The following ADAMTS6 variants were observed in gnomAD, a reference collection of about 807,000 sequenced individuals.
ADAMTS6 encodes the protein A disintegrin and metalloproteinase with thrombospondin motifs 6.
A neutral mutation model predicts 144.3 loss-of-function variants in ADAMTS6; 23 were observed. The observed-to-expected ratio is 0.16, with a 90% CI of 0.11 to 0.23. The LOEUF is 0.23. Ranked by LOEUF, ADAMTS6 falls within the 10% of genes least tolerant of loss-of-function variation. The pLI is 1.00. For synonymous variants in ADAMTS6, 444 were observed against 457.5 expected (o/e 0.97, Z 0.38); for missense variants, 999 against 1,379.6 (o/e 0.72, Z 4.37).
At chr5:65,427,046 T>C (rs1756595348) in intron 7 of ADAMTS6, among the ~76,000 whole-genome samples, 1 of 152,142 alleles carries the variant, frequency 6.6e-6, no homozygotes, top group African/African-American at 2.4e-5. Context: ...AGTGATTTGC[T>C]ATTTAATAGA....
intron 14 of ADAMTS6, among the ~76,000 whole-genome samples, chr5:65,252,825 A>G (rs1232939336): frequency 2.0e-5 from 3 of 152,102 alleles, no homozygotes; most frequent in African/African-American, 7.2e-5. Flanking sequence ...GAATTCGGGT[A>G]AAATCTATTA....
At position 65,262,823 on chromosome 5, in the gene ADAMTS6, C is replaced by T. The variant is rs1159687052; in HGVS notation, c.1760G>A (p.Ser587Asn). The change falls in exon 13 of 25, where the codon AGT becomes AAT. Residue 587 changes from serine to asparagine, a missense_variant. Transcript: ENST00000381055. ...GVSSSLRHCD[S>N]PAPSGGGKYC... ...GCTTACTTTAGCTACTTACGCTGGA[C>T]TGTCACAGTGTCTTAGGGATGAGGA... 2.6e-6 allele frequency: 4 copies of T among 1,519,074 alleles called. No homozygotes were observed. Among genetic ancestry groups the T allele is most frequent in the South Asian group, 1.3e-5 (1 of 75,942 alleles). The allele number at this position is 1,519,074 out of a possible 1,614,324, so 94.1% of individuals were successfully genotyped here.
intron 7 of ADAMTS6, among the ~76,000 whole-genome samples, chr5:65,368,744 T>C (rs956796655): frequency 1.3e-5 from 2 of 152,128 alleles, no homozygotes; most frequent in African/African-American, 4.8e-5. Context: ...ACCTCCAAAC[T>C]TCTTGGTGCA....
intron 2 of ADAMTS6, among the ~76,000 whole-genome samples, chr5:65,472,630 A>G (rs1186262076): frequency 1.3e-5 from 2 of 152,224 alleles, no homozygotes; most frequent in African/African-American, 2.4e-5. Flanking sequence ...TCTTTCAGCT[A>G]GATTTACCAC....
chr5:65,443,132 A>G (rs901758816), intron 7 of ADAMTS6, among the ~76,000 whole-genome samples: 7 of 152,202 alleles, frequency 4.6e-5, no homozygotes, highest in Non-Finnish European at 1.0e-4. Flanking sequence ...TAGTGCTGCA[A>G]TGAACATACA....
intron 3 of ADAMTS6, among the ~76,000 whole-genome samples, chr5:65,467,000 C>T (rs1760073420): frequency 6.6e-6 from 1 of 150,618 alleles, no homozygotes; most frequent in African/African-American, 2.5e-5. Flanking sequence ...CAAGATTGCG[C>T]CACTGCACCC....
intron 7 of ADAMTS6, among the ~76,000 whole-genome samples, chr5:65,402,503 C>CT (rs1561506230): frequency 6.6e-6 from 1 of 152,106 alleles, no homozygotes; most frequent in African/African-American, 2.4e-5. Context: ...CTCCTCAAAT[C>CT]TATAACATCA....
chr5:65,233,875 A>T (rs528145613), intron 15 of ADAMTS6, among the ~76,000 whole-genome samples: 1 of 152,194 alleles, frequency 6.6e-6, no homozygotes, highest in East Asian at 1.9e-4. Context: ...CCTGATTTTG[A>T]ACTATATTAC....
chr5:65,367,617 TC>T (rs1465703422), intron 7 of ADAMTS6, among the ~76,000 whole-genome samples: 1 of 152,108 alleles, frequency 6.6e-6, no homozygotes, highest in African/African-American at 2.4e-5. Flanking sequence ...AGGCTCAGCC[TC>T]CTTACTTCAA....
intron 7 of ADAMTS6, among the ~76,000 whole-genome samples, chr5:65,388,429 T>G (rs1752650456): frequency 6.6e-6 from 1 of 152,166 alleles, no homozygotes; most frequent in Admixed American, 6.5e-5. Flanking sequence ...TACACTCAGT[T>G]GAGCTCCTAA....
intron 11 of ADAMTS6, among the ~76,000 whole-genome samples, chr5:65,280,373 T>A (rs534993240): frequency 1.3e-5 from 2 of 152,338 alleles, no homozygotes; most frequent in South Asian, 4.1e-4. Context: ...AAAAGATGTG[T>A]ATCTTCACAG....
intron 7 of ADAMTS6, among the ~76,000 whole-genome samples, chr5:65,342,295 T>A (rs1747916020): frequency 1.3e-5 from 2 of 151,996 alleles, no homozygotes; most frequent in Admixed American, 1.3e-4. Flanking sequence ...GGCCTCACAA[T>A]CATGGTGGAA....
chr5:65,391,158 C>T (rs768593111), intron 7 of ADAMTS6, among the ~76,000 whole-genome samples: 15 of 151,912 alleles, frequency 9.9e-5, no homozygotes, highest in South Asian at 2.1e-4. Flanking sequence ...TGGGCCCAAG[C>T]GATCTGCTGA....
chr5:65,342,948 A>G (rs959274017), intron 7 of ADAMTS6, among the ~76,000 whole-genome samples: 5 of 152,154 alleles, frequency 3.3e-5, no homozygotes, highest in Admixed American at 2.0e-4. Context: ...CCCATTTACA[A>G]TAGCTACAAA....
chr5:65,398,816 G>C (rs1239164628), intron 7 of ADAMTS6, among the ~76,000 whole-genome samples: 1 of 128,162 alleles, frequency 7.8e-6, no homozygotes, highest in African/African-American at 3.8e-5. Flanking sequence ...AAGAAAGAAA[G>C]AAAGAAAGAA....
chr5:65,223,493 C>G (rs7716507), intron 18 of ADAMTS6, among the ~76,000 whole-genome samples: 54,245 of 152,022 alleles, frequency 0.36, 9,983 homozygotes, highest in Admixed American at 0.44. Context: ...TCCCTGCCCC[C>G]TGGTAAATAC....
rs1283473398 is a variant in ADAMTS6, at chr5:65,432,178, A to T, written c.1073+19297T>A. Reference sequence around the variant, plus strand: ...TGGGGTAGGGTACAAAAGATAGCTGATTTAGTAGATATCATCTCAAAATAA... The same window carrying T: ...TGGGGTAGGGTACAAAAGATAGCTGTTTTAGTAGATATCATCTCAAAATAA... On this transcript the variant is annotated intron_variant, in intron 7 of 24. Transcript: ENST00000381055. 2.0e-5 allele frequency among the ~76,000 whole-genome samples: 3 copies of T among 152,066 alleles called. No individual in the cohort carries two copies. In the East Asian group the frequency reaches 5.8e-4, roughly 29 times the overall value.
At chr5:65,199,756 A>C (rs1755616415) in intron 20 of ADAMTS6, among the ~76,000 whole-genome samples, 1 of 152,154 alleles carries the variant, frequency 6.6e-6, no homozygotes, top group East Asian at 1.9e-4. Context: ...TTCAACAGAG[A>C]TAGTTACTAA....
intron 11 of ADAMTS6, among the ~76,000 whole-genome samples, chr5:65,282,013 A>G (rs1029829952): frequency 6.6e-6 from 1 of 152,216 alleles, no homozygotes; most frequent in African/African-American, 2.4e-5. Flanking sequence ...GGAGGAGGTG[A>G]CATCATGAAA....
Sources: gnomAD v4.1 joint callset for allele counts (sites outside exome capture counted in the v4.1 genomes callset) on GRCh38, gnomAD v4.1.1 for gene constraint, MANE v1.5 for transcripts, NCBI Gene and HGNC (gene_info 2026-07-23, HGNC 2026-07-21) for gene names.